The following CYLD variants were observed in gnomAD, a reference collection of about 807,000 sequenced individuals.
The protein encoded by CYLD is CYLD lysine 63 deubiquitinase.
CYLD carries 26 observed loss-of-function variants against 104.5 expected under a neutral mutation model. The observed-to-expected ratio is 0.25, with a 90% confidence interval of 0.18 to 0.35. CYLD has a LOEUF of 0.35. Ranked by LOEUF, CYLD falls within the 10% of genes least tolerant of loss-of-function variation. CYLD has a pLI of 1.00. For missense variants in CYLD, 703 were observed against 1,136.1 expected (o/e 0.62, Z 5.48); for synonymous variants, 385 against 399.9 (o/e 0.96, Z 0.45).
intron 17 of CYLD, among the ~76,000 whole-genome samples, chr16:50,793,920 AT>A (rs34233862): frequency 2.3e-3 from 300 of 131,048 alleles, no homozygotes; most frequent in Middle Eastern, 0.012. Context: ...CATTAATGAC[AT>A]TTTTTTTTTT....
chr16:50,787,936 G>C (rs2151018667), intron 14 of CYLD, 84 bp downstream of exon 14: 1 of 815,108 alleles, frequency 1.2e-6, no homozygotes, highest in East Asian at 2.6e-5. Context: ...ATGATTTCCA[G>C]AATGATTTCT....
At position 50,742,807 on chromosome 16, in the gene CYLD, G is replaced by T; in HGVS notation, c.-158G>T. The T allele has an allele frequency of 2.5e-6, 1 of 392,798 alleles. No homozygotes were observed. Among genetic ancestry groups the T allele is most frequent in the Non-Finnish European group, 4.5e-6 (1 of 224,242 alleles). 24.3% of individuals were successfully genotyped at this position (392,798 alleles called of 1,614,324 possible). A position where few individuals can be genotyped will look rare whatever the true frequency, so the allele number is the denominator to read the frequency against. On this transcript the variant is annotated 5_prime_UTR_variant, in exon 2 of 19. Transcript: ENST00000427738. ...GGATGGTTCTACACAGCCACCCGGAGTTCCTTAGTTGAAAGGTGCGCCCTG... is the reference window on the plus strand; with the variant it reads ...GGATGGTTCTACACAGCCACCCGGATTTCCTTAGTTGAAAGGTGCGCCCTG...
intron 1 of CYLD, chr16:50,742,512 G>A (rs1309229188): frequency 3.1e-6 from 1 of 325,478 alleles, no homozygotes; most frequent in African/African-American, 2.1e-5. Flanking sequence ...AGAGGACTTG[G>A]GGCGGGAGCC....
chr16:50,749,763 A>T lies in CYLD; in HGVS notation c.65A>T (p.Tyr22Phe). ...TSPYWEERIFYLLLQECSVTD... is the reference protein window; with the variant it reads ...TSPYWEERIFFLLLQECSVTD... Reference sequence around the variant, plus strand: ...CCCTACTGGGAAGAGCGGATTTTTTACTTGCTTCTTCAAGAATGCAGCGTT... The same window carrying T: ...CCCTACTGGGAAGAGCGGATTTTTTTCTTGCTTCTTCAAGAATGCAGCGTT... The change falls in exon 3 of 19, where the codon TAC (tyrosine) becomes TTC (phenylalanine). Residue 22 changes from tyrosine to phenylalanine, a missense_variant. Physicochemically the swap from Tyr to Phe is conservative, Grantham distance 22. Coordinates refer to ENST00000427738, the MANE Select transcript of CYLD (RefSeq NM_001378743.1). 2 of 1,613,762 alleles carry T rather than the reference A, an allele frequency of 1.2e-6. No homozygotes were observed. The highest frequency in any genetic ancestry group is 1.7e-6 in the Non-Finnish European group (2 of 1,179,932).
At chr16:50,788,288 C>T (rs1047491615) in intron 14 of CYLD, among the ~76,000 whole-genome samples, 2 of 152,102 alleles carry the variant, frequency 1.3e-5, no homozygotes, top group African/African-American at 4.8e-5. Flanking sequence ...TTTGTCTCCC[C>T]TCCCCACCCA....
At chr16:50,786,773 A>G (rs1567453323) in intron 12 of CYLD, 82 bp from the exon 13 acceptor site, 3 of 1,089,636 alleles carry the variant, frequency 2.8e-6, no homozygotes, top group Non-Finnish European at 4.1e-6. Flanking sequence ...AAAAAAAAAA[A>G]GAAAAAAAGA....
At position 50,797,695 on chromosome 16, in the gene CYLD, C is replaced by G. The variant is rs1161207062; in HGVS notation, c.*1187C>G. ...GAGTGTTGTTTTGTGGTATCATTGT[C>G]TTTCCTGAATGACTTTCTAACTGTG... is the stretch of plus-strand genomic sequence containing the variant. On this transcript the variant is annotated 3_prime_UTR_variant, in exon 19 of 19. Transcript: ENST00000427738. 8 of 232,826 alleles carry G rather than the reference C, an allele frequency of 3.4e-5. No homozygotes were observed. The highest frequency in any genetic ancestry group is 6.8e-5 in the Non-Finnish European group (8 of 117,834). 14.4% of individuals were successfully genotyped at this position (232,826 alleles called of 1,614,324 possible). A position where few individuals can be genotyped will look rare whatever the true frequency, so the allele number is the denominator to read the frequency against.
intron 2 of CYLD, 70 bp downstream of exon 2, chr16:50,742,911 G>GC: frequency 6.7e-6 from 1 of 150,340 alleles, no homozygotes; most frequent in Non-Finnish European, 1.4e-5. Context: ...GGGGGCGGGG[G>GC]CGAAGTCATG....
rs1483824813 is a variant in CYLD, at chr16:50,794,441, C to T, written c.2686+13C>T. On this transcript the variant is annotated intron_variant, in intron 18 of 18. Coordinates refer to ENST00000427738, the MANE Select transcript of CYLD (RefSeq NM_001378743.1). The surrounding 1 kb of genome is among the most constrained non-coding windows in gnomAD (Gnocchi z 4.1). The stretch of plus-strand genomic sequence containing the variant: ...GCCGATCGGGATGGTACTGAAAACG[C>T]CTTTCTTCTGCATGTGGCACAGGGT... 1.2e-6 allele frequency: 2 copies of T among 1,613,374 alleles called. No individual in the cohort carries two copies. The highest frequency in any genetic ancestry group is 2.2e-5 in the South Asian group (2 of 91,052).
At chr16:50,768,552 T>C (rs1368866438) in intron 5 of CYLD, among the ~76,000 whole-genome samples, 1 of 152,236 alleles carries the variant, frequency 6.6e-6, no homozygotes, top group Non-Finnish European at 1.5e-5. Context: ...AGGATACCTT[T>C]GATTGAAAGA....
chr16:50,784,775 T>G (rs1317507559), intron 12 of CYLD: 2 of 284,614 alleles, frequency 7.0e-6, no homozygotes, highest in Non-Finnish European at 1.4e-5. Flanking sequence ...TTGAAATAGT[T>G]TATTCCAACA....
In CYLD at chr16:50,793,690, A is replaced by G. The variant is rs2302759; in HGVS notation, c.2469+26A>G. The G allele has an allele frequency of 0.8, 1,130,412 of 1,409,174 alleles. 456,295 individuals are homozygous for G. Among genetic ancestry groups the G allele is most frequent in the African/African-American group, 0.96 (68,332 of 71,042 alleles). The allele number at this position is 1,409,174 out of a possible 1,614,324, so 87.3% of individuals were successfully genotyped here. ...GTGAGCTTCCCTTCACTTAATGGAT[A>G]AACTTTTGTTGAACAGTAACTTATT... On this transcript the variant is annotated intron_variant, in intron 17 of 18. Transcript: ENST00000427738.
intron 5 of CYLD, among the ~76,000 whole-genome samples, chr16:50,772,985 C>T (rs1203093723): frequency 6.6e-6 from 1 of 152,126 alleles, no homozygotes; most frequent in East Asian, 1.9e-4. Context: ...TGAGCAGGAA[C>T]CCAACCTTTT....
intron 12 of CYLD, chr16:50,785,824 C>T (rs1177568268): frequency 6.6e-6 from 1 of 152,184 alleles, no homozygotes; most frequent in Non-Finnish European, 1.5e-5. Flanking sequence ...GAGACCCTGT[C>T]TTTTTAACCT....
At chr16:50,785,681 A>G (rs999902046) in intron 12 of CYLD, 8 of 152,150 alleles carry the variant, frequency 5.3e-5, no homozygotes, top group African/African-American at 1.9e-4. Context: ...AGTTAATCAC[A>G]CTTTCTTACC....
chr16:50,782,288 T>G (rs1460706356), intron 10 of CYLD, 37 bp from the exon 11 acceptor site: 1 of 1,421,326 alleles, frequency 7.0e-7, no homozygotes, highest in South Asian at 1.2e-5. Flanking sequence ...TTTAAAAGAA[T>G]TCTTTTCATT....
At chr16:50,780,591 T>C (rs1249602101) in intron 9 of CYLD, among the ~76,000 whole-genome samples, 1 of 152,218 alleles carries the variant, frequency 6.6e-6, no homozygotes, top group Non-Finnish European at 1.5e-5. Context: ...CGGTCAGGGC[T>C]CACTGCAGCC....
chr16:50,742,904 G>A (rs1965838678), intron 2 of CYLD, 63 bp downstream of exon 2: 2 of 390,980 alleles, frequency 5.1e-6, no homozygotes, highest in East Asian at 7.3e-5. Flanking sequence ...GCGAATGGGG[G>A]GCGGGGGCGA....
intron 14 of CYLD, 106 bp downstream of exon 14, chr16:50,787,958 T>A: frequency 1.4e-6 from 1 of 712,916 alleles, no homozygotes; most frequent in South Asian, 1.7e-5. Flanking sequence ...AATATTGTAT[T>A]TGTTTAGGGC....
Sources: gnomAD v4.1 joint callset for allele counts (sites outside exome capture counted in the v4.1 genomes callset) on GRCh38, gnomAD v4.1.1 for gene constraint, Gnocchi (gnomAD v3.1) non-coding constraint, MANE v1.5 for transcripts, NCBI Gene and HGNC (gene_info 2026-07-23, HGNC 2026-07-21) for gene names.